RYR1: variants seen among roughly 807,000 people sequenced by gnomAD.
RYR1 encodes the protein ryanodine receptor 1.
A neutral mutation model predicts 583.5 loss-of-function variants in RYR1; 342 were observed. The ratio of observed to expected loss-of-function variants is 0.59; its 90% CI spans 0.54 to 0.64. RYR1 has a LOEUF of 0.64. RYR1 is among the 30% of genes least tolerant of loss of function. The pLI is 0.00. For synonymous variants in RYR1, 2,791 were observed against 2,822.5 expected (o/e 0.99, Z 0.35); for missense variants, 6,032 against 6,917.2 (o/e 0.87, Z 4.54).
At position 38,433,766 on chromosome 19, in the gene RYR1, C is replaced by T. The variant is rs1251041588; in HGVS notation, c.-64C>T. The T allele has an allele frequency of 4.8e-6, 4 of 838,174 alleles. No individual in the cohort carries two copies. Among genetic ancestry groups the T allele is most frequent in the Non-Finnish European group, 8.3e-6 (4 of 480,522 alleles). The allele number at this position is 838,174 out of a possible 1,614,324, so 51.9% of individuals were successfully genotyped here. On this transcript the variant is annotated 5_prime_UTR_variant, in exon 1 of 106. Transcript: ENST00000359596. Reference sequence around the variant, plus strand: ...CCCCAGCCCGCCCCCAGCCCTCCCGCCCAGCCCGCAGCCCCCTCCCTCTGT... The same window carrying T: ...CCCCAGCCCGCCCCCAGCCCTCCCGTCCAGCCCGCAGCCCCCTCCCTCTGT...
chr19:38,476,333 G>C (rs1190933705), intron 29 of RYR1, among the ~76,000 whole-genome samples: 1 of 152,124 alleles, frequency 6.6e-6, no homozygotes, highest in Non-Finnish European at 1.5e-5. Context: ...CAAGTAGCTG[G>C]GACTATGGGC....
At position 38,445,023 on chromosome 19, in the gene RYR1, G is replaced by A. The variant is rs148953368; in HGVS notation, c.631+346G>A. ...TGTAATCTCAGCACTTTGGGAGGCC[G>A]AGGCAGGTGGATCACCTGAGTTCAG... is the stretch of plus-strand genomic sequence containing the variant. On this transcript the variant is annotated intron_variant, in intron 7 of 105. Coordinates refer to ENST00000359596, the MANE Select transcript of RYR1 (RefSeq NM_000540.3). 6.9e-3 allele frequency among the ~76,000 whole-genome samples: 1,049 copies of A among 151,900 alleles called. 10 individuals carry two copies. The highest frequency in any genetic ancestry group is 0.024 in the African/African-American group (981 of 41,410).
Position 38,475,388 on chromosome 19 carries a change from C to G in RYR1, c.4231C>G (p.Pro1411Ala), listed in dbSNP as rs1228139814. 3.7e-6 allele frequency: 6 copies of G among 1,613,980 alleles called. No homozygotes were observed. The East Asian group carries it at 1.1e-4, about 30-fold the overall frequency. Residue 1411 changes from proline (P) to alanine (A), a missense_variant, in exon 29 of 106, where the codon CCT becomes GCT. Around this residue, in one of 11 missense-constraint regions of RYR1, gnomAD observed 2,627 missense variants for 2,961.3 expected, o/e 0.89. Transcript: ENST00000359596. Reference protein sequence around the residue: ...PPATPTLPRLPHDVVPADNRD... With the variant: ...PPATPTLPRLAHDVVPADNRD... ...GGCCACCCCCACGCTGCCCCGACTC[C>G]CTCACGACGTGGTGCCTGCAGACAA...
intron 11 of RYR1, 86 bp from the exon 12 acceptor site, chr19:38,451,678 T>A: frequency 6.5e-7 from 1 of 1,537,264 alleles, no homozygotes. Context: ...AGGGGGCAAG[T>A]GCAGAACTCA....
At chr19:38,443,235 A>G (rs563002810) in intron 3 of RYR1, among the ~76,000 whole-genome samples, 2 of 152,294 alleles carry the variant, frequency 1.3e-5, no homozygotes, top group South Asian at 2.1e-4. Context: ...GGGTGTCCTC[A>G]GGGTCCCCAG....
intron 99 of RYR1, among the ~76,000 whole-genome samples, 184 bp from the exon 100 acceptor site, chr19:38,579,797 AG>A (rs917958525): frequency 1.3e-5 from 2 of 151,842 alleles, no homozygotes; most frequent in African/African-American, 4.8e-5. Flanking sequence ...TTCCTTCTGG[AG>A]GGGGCTCTCA....
At chr19:38,471,629 G>A (rs984711746) in intron 27 of RYR1, among the ~76,000 whole-genome samples, 9 of 152,014 alleles carry the variant, frequency 5.9e-5, no homozygotes, top group East Asian at 1.9e-4. Context: ...GGCTGGGCTC[G>A]GTGGCTCATG....
chr19:38,524,525 G>A (rs1285587196), intron 70 of RYR1, among the ~76,000 whole-genome samples: 1 of 152,210 alleles, frequency 6.6e-6, no homozygotes, highest in Non-Finnish European at 1.5e-5. Flanking sequence ...CATGCTCAAA[G>A]TTGCCAGCCG....
At position 38,527,635 on chromosome 19, in the gene RYR1, TCCTC is replaced by T; in HGVS notation, c.10687-8_10687-5del. The stretch of plus-strand genomic sequence containing the variant: ...GTCCCTCACGCCGGCCACTCCTTCT[TCCTC>T]CCTTCAGGTCGAAGGCTCCCCGTCT... On this transcript the variant is annotated splice_region_variant and splice_polypyrimidine_tract_variant and intron_variant, in intron 72 of 105. Coordinates refer to ENST00000359596, the MANE Select transcript of RYR1 (RefSeq NM_000540.3). The T allele has an allele frequency of 6.2e-7, 1 of 1,613,900 alleles. No individual in the cohort carries two copies. Among genetic ancestry groups the T allele is most frequent in the African/African-American group, 1.3e-5 (1 of 75,026 alleles).
intron 1 of RYR1, among the ~76,000 whole-genome samples, chr19:38,439,798 C>T (rs555182726): frequency 6.6e-6 from 1 of 152,330 alleles, no homozygotes; most frequent in South Asian, 2.1e-4. Flanking sequence ...GGAACTACTG[C>T]GCCCGGACTC....
intron 60 of RYR1, 85 bp from the exon 61 acceptor site, chr19:38,511,476 C>T: frequency 7.3e-7 from 1 of 1,378,024 alleles, no homozygotes; most frequent in Non-Finnish European, 1.0e-6. Context: ...GTCCCTGTCT[C>T]CTCTAATTGG....
intron 20 of RYR1, among the ~76,000 whole-genome samples, chr19:38,462,477 G>A (rs1477487349): frequency 6.8e-6 from 1 of 146,900 alleles, no homozygotes; most frequent in East Asian, 2.0e-4. Context: ...CTGTCCACTC[G>A]GCCTCCCAGA....
Position 38,565,044 on chromosome 19 carries a change from G to C in RYR1, c.12710G>C (p.Cys4237Ser). 1 of 1,578,234 alleles carries C rather than the reference G, an allele frequency of 6.3e-7. No individual in the cohort carries two copies. The highest frequency in any genetic ancestry group is 8.6e-7 in the Non-Finnish European group (1 of 1,162,784). ...AEKMELFVSFCEDTIFEMQIA... is the reference protein window; with the variant it reads ...AEKMELFVSFSEDTIFEMQIA... ...AAGATGGAGCTCTTCGTGAGTTTCT[G>C]CGAGGACACCATCTTCGAGATGCAG... Residue 4237 changes from cysteine (C) to serine (S), a missense_variant, in exon 91 of 106, where the codon TGC becomes TCC. Physicochemically the swap from Cys to Ser is moderately radical, Grantham distance 112. This residue lies in a region of RYR1 where 753 missense variants were observed against 759.6 expected (regional missense o/e 0.99). Transcript: ENST00000359596. This position sits in a 1 kb window ranked among gnomAD's most constrained non-coding sequence, Gnocchi z 4.7.
At chr19:38,566,867 C>T (rs375937762) in intron 91 of RYR1, 44 bp from the exon 92 acceptor site, 103 of 1,573,886 alleles carry the variant, frequency 6.5e-5, no homozygotes, top group African/African-American at 1.2e-4. Context: ...GCCTGAGAAG[C>T]GCTTAGGGTG....
intron 89 of RYR1, among the ~76,000 whole-genome samples, chr19:38,555,159 A>G (rs1265818748): frequency 1.3e-5 from 2 of 152,058 alleles, no homozygotes; most frequent in Admixed American, 6.6e-5. Flanking sequence ...CATAAAATAT[A>G]TATGGTCTTG....
intron 47 of RYR1, among the ~76,000 whole-genome samples, chr19:38,501,680 TC>T (rs1177777546): frequency 6.6e-6 from 1 of 151,894 alleles, no homozygotes; most frequent in Non-Finnish European, 1.5e-5. Context: ...ACAGAAGCCT[TC>T]CGAGAGGGGG....
At chr19:38,502,448 G>A (rs561300254) in intron 47 of RYR1, 59 bp from the exon 48 acceptor site, 20 of 1,497,460 alleles carry the variant, frequency 1.3e-5, no homozygotes, top group Admixed American at 5.6e-5. Flanking sequence ...GCTCAAGACA[G>A]GTGCCAGAGC....
At position 38,548,321 on chromosome 19, in the gene RYR1, C is replaced by T. The variant is rs568688771; in HGVS notation, c.12183C>T (p.Phe4061=). The change falls in exon 89 of 106, where the codon TTC becomes TTT. Residue 4061 remains phenylalanine (F), a synonymous_variant. Coordinates refer to ENST00000359596, the MANE Select transcript of RYR1 (RefSeq NM_000540.3). ...SSNVEMILKF[F]DMFLKLKDIV... ...ATGTGGAGATGATCCTCAAGTTCTTCGACATGTTCCTGAAACTCAAGGACA... is the reference window on the plus strand; with the variant it reads ...ATGTGGAGATGATCCTCAAGTTCTTTGACATGTTCCTGAAACTCAAGGACA... 43 of 1,614,186 alleles carry T rather than the reference C, an allele frequency of 2.7e-5. No homozygotes were observed. Among genetic ancestry groups the T allele is most frequent in the East Asian group, 1.6e-4 (7 of 44,884 alleles).
intron 89 of RYR1, among the ~76,000 whole-genome samples, chr19:38,555,312 T>C (rs1397849159): frequency 6.6e-6 from 1 of 151,310 alleles, no homozygotes; most frequent in Non-Finnish European, 1.5e-5. Context: ...ATTAGCCGAG[T>C]GTGGTGGCAC....
Sources: gnomAD v4.1 joint callset for allele counts (sites outside exome capture counted in the v4.1 genomes callset) on GRCh38, gnomAD v4.1.1 for gene constraint, gnomAD v4.1.1 regional missense constraint, Gnocchi (gnomAD v3.1) non-coding constraint, MANE v1.5 for transcripts, NCBI Gene and HGNC (gene_info 2026-07-23, HGNC 2026-07-21) for gene names.